Variants in SUN1 observed in about 807,000 individuals in gnomAD.
The protein encoded by SUN1 is SUN domain-containing protein 1.
A neutral mutation model predicts 103.2 loss-of-function variants in SUN1; 61 were observed. The ratio of observed to expected loss-of-function variants is 0.59; its 90% CI spans 0.48 to 0.73. SUN1 has a LOEUF of 0.73. Among genes scored for constraint, SUN1 ranks in the 30% least tolerant of loss-of-function variants. The probability of loss-of-function intolerance (pLI) is 0.00; values close to 1 mark genes in which losing one functional copy is unlikely to be tolerated. For synonymous variants in SUN1, 490 were observed against 425.7 expected (o/e 1.15, Z -1.86); for missense variants, 1,052 against 1,034.6 (o/e 1.02, Z -0.23).
chr7:832,102 G>T (rs1429944065), upstream of SUN1: 5 of 1,007,840 alleles, frequency 5.0e-6, no homozygotes, highest in Non-Finnish European at 5.9e-6. Flanking sequence ...GCTGTAGCAG[G>T]TAGTTCTATT....
At chr7:858,089 C>T (rs1829170152) in intron 13 of SUN1, 132 bp downstream of exon 13, 5 of 1,164,740 alleles carry the variant, frequency 4.3e-6, no homozygotes, top group Non-Finnish European at 5.7e-6. Context: ...CTTGCTGTGG[C>T]ACGCAGGCTA....
rs770701080 is a variant in SUN1 at position 866,043 on chromosome 7, G to A, written c.1956G>A (p.Ser652=). 1.5e-5 allele frequency: 25 copies of A among 1,613,926 alleles called. No individual in the cohort carries two copies. Among genetic ancestry groups the A allele is most frequent in the South Asian group, 1.3e-4 (12 of 91,080 alleles). The stretch of plus-strand genomic sequence containing the variant: ...TTGGGATCCCGCTGTGGTACTTCTC[G>A]CAGTCCCCGCGCGTGGTCATCCAGG... ...SLFGIPLWYF[S]QSPRVVIQPD... Residue 652 remains serine, a synonymous_variant, in exon 16 of 19, where the codon TCG becomes TCA. Transcript: ENST00000401592.
upstream of SUN1, chr7:831,998 T>C (rs1039631362): frequency 5.1e-6 from 5 of 984,528 alleles, no homozygotes; most frequent in Admixed American, 2.4e-4. Flanking sequence ...TGCCTTAAGC[T>C]TTTTTGTTAT....
intron 3 of SUN1, 121 bp from the exon 4 acceptor site, chr7:843,085 A>C: frequency 7.2e-7 from 1 of 1,382,850 alleles, no homozygotes; most frequent in Non-Finnish European, 1.0e-6. Context: ...AACTGTGACC[A>C]GTGCCATAAT....
At chr7:856,894 G>A (rs1366974574) in intron 12 of SUN1, among the ~76,000 whole-genome samples, 1 of 152,168 alleles carries the variant, frequency 6.6e-6, no homozygotes, top group East Asian at 1.9e-4. Flanking sequence ...CACCGGATTT[G>A]TGCTGGGCGT....
intron 9 of SUN1, 171 bp downstream of exon 9, chr7:853,123 A>G (rs965947333): frequency 1.1e-6 from 1 of 901,896 alleles, no homozygotes. Flanking sequence ...GATAGTTCAA[A>G]TGCACATTTA....
chr7:825,313 C>G lies in SUN1; in HGVS notation c.-74+8640C>G, dbSNP rs181514480. ...TCCTGACCTTGTGATCCGCCCATCTCGGCCTCCCAAAGTGTTGGGATTACA... is the reference window on the plus strand; with the variant it reads ...TCCTGACCTTGTGATCCGCCCATCTGGGCCTCCCAAAGTGTTGGGATTACA... On this transcript the variant is annotated intron_variant, in intron 1 of 17. Transcript: ENST00000389574. 1.8e-3 allele frequency among the ~76,000 whole-genome samples: 273 copies of G among 152,308 alleles called. 3 individuals carry two copies. Among genetic ancestry groups the G allele is most frequent in the African/African-American group, 6.3e-3 (263 of 41,550 alleles).
chr7:816,895 C>G (rs1484893882), intron 1 of SUN1: 2 of 151,368 alleles, frequency 1.3e-5, no homozygotes, highest in Non-Finnish European at 3.0e-5. Flanking sequence ...GAGACCCTGG[C>G]GGTCGTGGCG....
In SUN1 at chr7:853,541, C is replaced by T. The variant is rs752194020; in HGVS notation, c.1186C>T (p.Arg396Trp). 24 of 1,613,144 alleles carry T rather than the reference C, an allele frequency of 1.5e-5. No homozygotes were observed. The highest frequency in any genetic ancestry group is 1.6e-4 in the Middle Eastern group (1 of 6,080). Residue 396 changes from arginine (R) to tryptophan (W), a missense_variant, in exon 10 of 19, where the codon CGG (arginine) becomes TGG (tryptophan). Physicochemically the swap from Arg to Trp is moderately radical, Grantham distance 101 (BLOSUM62 -3). Transcript: ENST00000401592. Reference sequence around the variant, plus strand: ...CACTTTGCTACAGAAGCTGCAGGCTCGGGTGGACCAGATGGAAGGCGGCGC... The same window carrying T: ...CACTTTGCTACAGAAGCTGCAGGCTTGGGTGGACCAGATGGAAGGCGGCGC... ...LTTLLQKLQA[R>W]VDQMEGGAAG...
chr7:839,057 G>A, intron 2 of SUN1, 71 bp downstream of exon 2: 3 of 1,431,136 alleles, frequency 2.1e-6, no homozygotes, highest in East Asian at 2.5e-5. Flanking sequence ...ATACTTTTTG[G>A]TCTGTAAAGC....
intron 16 of SUN1, among the ~76,000 whole-genome samples, chr7:867,229 A>C (rs538527231): frequency 6.3e-4 from 96 of 152,362 alleles, no homozygotes; most frequent in African/African-American, 2.2e-3. Flanking sequence ...TCCTGAGGGC[A>C]CAGCCGGAGC....
chr7:866,236 G>T (rs539580998), intron 16 of SUN1, among the ~76,000 whole-genome samples, 169 bp downstream of exon 16: 5 of 152,178 alleles, frequency 3.3e-5, no homozygotes, highest in African/African-American at 1.2e-4. Context: ...CGGTGTCCCC[G>T]TGTAGCCTCC....
intron 13 of SUN1, among the ~76,000 whole-genome samples, chr7:858,474 C>G (rs778656640): frequency 2.6e-5 from 4 of 152,186 alleles, no homozygotes; most frequent in Non-Finnish European, 4.4e-5. Flanking sequence ...CGTTCCAGCA[C>G]CACTGTGCGT....
At position 851,219 on chromosome 7, in the gene SUN1, C is replaced by T. The variant is rs1200180154; in HGVS notation, c.659-165C>T. 3.9e-5 allele frequency: 21 copies of T among 540,020 alleles called. No homozygotes were observed. The Admixed American group carries it at 6.4e-4, about 17-fold the overall frequency. The allele number at this position is 540,020 out of a possible 1,614,324, so 33.5% of individuals were successfully genotyped here. On this transcript the variant is annotated intron_variant, in intron 5 of 18. Coordinates refer to ENST00000401592, the MANE Select transcript of SUN1 (RefSeq NM_001130965.3). The stretch of plus-strand genomic sequence containing the variant: ...AATGGTCATGTCAGTGCAATATTGC[C>T]AGCACTTACAAGAGTTATTTGGCTT...
chr7:856,397 A>G lies in SUN1; in HGVS notation c.1390A>G (p.Ile464Val), dbSNP rs199915497. 2.8e-5 allele frequency: 45 copies of G among 1,614,118 alleles called. No homozygotes were observed. The highest frequency in any genetic ancestry group is 8.0e-5 in the African/African-American group (6 of 75,040). ...ACTAGAACAGACCAAGCAAAAAACA[A>G]TCAGGTAGGAGGATTTGGAAAACAT... ...KELEQTKQKT[I>V]SAVGEQLLPT... The change falls in exon 12 of 19, where the codon ATC becomes GTC. Residue 464 changes from isoleucine to valine, a missense_variant. Coordinates refer to ENST00000401592, the MANE Select transcript of SUN1 (RefSeq NM_001130965.3).
Position 872,465 on chromosome 7 carries a change from T to C in SUN1, c.2149-5T>C. 6.3e-7 allele frequency: 1 copy of C among 1,595,726 alleles called. No homozygotes were observed. The highest frequency in any genetic ancestry group is 8.5e-7 in the Non-Finnish European group (1 of 1,170,580). ...GTTCATAATTGTGTATGGTCTTGTT[T>C]TCAGGGATTAGAAAATGAGTATCAG... is the stretch of plus-strand genomic sequence containing the variant. On this transcript the variant is annotated splice_polypyrimidine_tract_variant and splice_region_variant and intron_variant, in intron 17 of 18. Coordinates refer to ENST00000401592, the MANE Select transcript of SUN1 (RefSeq NM_001130965.3).
chr7:869,289 G>C (rs1585310613), intron 16 of SUN1, 60 bp from the exon 17 acceptor site: 2 of 1,549,156 alleles, frequency 1.3e-6, no homozygotes, highest in African/African-American at 1.4e-5. Context: ...TCCTCTTCCT[G>C]CTGCTAAGTG....
chr7:816,731 A>G (rs1201636029), intron 1 of SUN1: 1 of 146,914 alleles, frequency 6.8e-6, no homozygotes, highest in Non-Finnish European at 1.5e-5. Context: ...GGCTGCGGGG[A>G]CGCGAGGCGG....
At position 843,268 on chromosome 7, in the gene SUN1, T is replaced by C. The variant is rs867489572; in HGVS notation, c.478+36T>C. 3.1e-6 allele frequency: 5 copies of C among 1,606,704 alleles called. No individual in the cohort carries two copies. The Middle Eastern group carries it at 6.9e-4, about 222-fold the overall frequency. Reference sequence around the variant, plus strand: ...TAGTCCTTTTATCTTCATATACTTTTCAAAATAGAAGTTTTAGTTAAATAT... The same window carrying C: ...TAGTCCTTTTATCTTCATATACTTTCCAAAATAGAAGTTTTAGTTAAATAT... On this transcript the variant is annotated intron_variant, in intron 4 of 18. Coordinates refer to ENST00000401592, the MANE Select transcript of SUN1 (RefSeq NM_001130965.3).
Sources: gnomAD v4.1 joint callset for allele counts (sites outside exome capture counted in the v4.1 genomes callset) on GRCh38, gnomAD v4.1.1 for gene constraint, MANE v1.5 for transcripts, NCBI Gene and HGNC (gene_info 2026-07-23, HGNC 2026-07-21) for gene names.